Variants in DLG2 observed in about 807,000 individuals in gnomAD.
DLG2 encodes discs large MAGUK scaffold protein 2.
A neutral mutation model predicts 132.5 loss-of-function variants in DLG2; 45 were observed. The ratio of observed to expected loss-of-function variants is 0.34; its 90% CI spans 0.27 to 0.44. The LOEUF (loss-of-function observed/expected upper bound fraction) is 0.44. Ranked by LOEUF, DLG2 falls within the 20% of genes least tolerant of loss-of-function variation. The probability of loss-of-function intolerance (pLI) is 1.00; values close to 1 mark genes in which losing one functional copy is unlikely to be tolerated. For missense variants in DLG2, 1,045 were observed against 1,196.9 expected (o/e 0.87, Z 1.87); for synonymous variants, 424 against 419.6 (o/e 1.01, Z -0.13).
chr11:84,630,979 TTCTCTCTC>T (rs369904915), intron 6 of DLG2, among the ~76,000 whole-genome samples: 160 of 51,238 alleles, frequency 3.1e-3, no homozygotes, highest in South Asian at 0.012. Context: ...TTAAATGCAT[TTCTCTCTC>T]TCTCTCTCTC....
chr11:83,627,704 T>C (rs2062835596), intron 19 of DLG2, among the ~76,000 whole-genome samples: 1 of 152,204 alleles, frequency 6.6e-6, no homozygotes, highest in Admixed American at 6.5e-5. Context: ...AGCAGCATGA[T>C]TTATAATCCT....
At chr11:84,410,704 C>A (rs755366717) in intron 7 of DLG2, among the ~76,000 whole-genome samples, 1 of 151,226 alleles carries the variant, frequency 6.6e-6, no homozygotes, top group Non-Finnish European at 1.5e-5. Context: ...TTCAGCCTCC[C>A]GAGTAGCTGG....
chr11:84,291,330 G>T (rs928536428), intron 7 of DLG2, among the ~76,000 whole-genome samples: 3 of 152,098 alleles, frequency 2.0e-5, no homozygotes, highest in African/African-American at 7.2e-5. Flanking sequence ...ATATTGCCAA[G>T]TTAGACTAAA....
At chr11:83,643,268 C>T (rs1206187882) in intron 18 of DLG2, among the ~76,000 whole-genome samples, 1 of 152,140 alleles carries the variant, frequency 6.6e-6, no homozygotes, top group South Asian at 2.1e-4. Context: ...AATAAAGCCA[C>T]AAAGGGCATC....
intron 6 of DLG2, among the ~76,000 whole-genome samples, chr11:84,876,257 T>A (rs2086329170): frequency 6.6e-6 from 1 of 152,214 alleles, no homozygotes; most frequent in African/African-American, 2.4e-5. Context: ...TCAGAAGGAA[T>A]GATACCAGCT....
At position 84,251,219 on chromosome 11, in the gene DLG2, T is replaced by A; in HGVS notation, c.573+19A>T. The stretch of plus-strand genomic sequence containing the variant: ...CTACCACAGTTTTAAAAGAAGGTAG[T>A]AATGAAAAAGTTACTTACATAAGGA... On this transcript the variant is annotated intron_variant, in intron 8 of 27. Coordinates refer to ENST00000376104, the MANE Select transcript of DLG2 (RefSeq NM_001142699.3). 1 of 1,520,282 alleles carries A rather than the reference T, an allele frequency of 6.6e-7. No individual in the cohort carries two copies. Among genetic ancestry groups the A allele is most frequent in the Non-Finnish European group, 9.0e-7 (1 of 1,116,872 alleles). 94.2% of individuals were successfully genotyped at this position (1,520,282 alleles called of 1,614,324 possible). A position where few individuals can be genotyped will look rare whatever the true frequency, so the allele number is the denominator to read the frequency against.
At chr11:85,322,260 C>T (rs990921237) in intron 3 of DLG2, among the ~76,000 whole-genome samples, 1 of 152,096 alleles carries the variant, frequency 6.6e-6, no homozygotes, top group African/African-American at 2.4e-5. Context: ...ATTTTCCTAT[C>T]CATTCAGCTT....
rs560146542 is a variant in DLG2, at chr11:84,012,677, G to A, written c.920-32035C>T. 8.7e-4 allele frequency among the ~76,000 whole-genome samples: 132 copies of A among 152,214 alleles called. 2 individuals are homozygous for A. Among genetic ancestry groups the A allele is most frequent in the African/African-American group, 2.9e-3 (122 of 41,572 alleles). On this transcript the variant is annotated intron_variant, in intron 11 of 27. Transcript: ENST00000376104. Reference sequence around the variant, plus strand: ...AAAAGTACATTTAAGATTACTCCCCGTAGAGTAGCACATGTGAATAAACAG... The same window carrying A: ...AAAAGTACATTTAAGATTACTCCCCATAGAGTAGCACATGTGAATAAACAG...
At chr11:83,496,272 C>T (rs542582596) in intron 21 of DLG2, among the ~76,000 whole-genome samples, 6 of 151,762 alleles carry the variant, frequency 4.0e-5, no homozygotes, top group Admixed American at 3.9e-4. Context: ...CCAAAGTTCA[C>T]TTGATACCCA....
At chr11:84,934,525 G>GTTTTTT (rs757894179) in intron 6 of DLG2, among the ~76,000 whole-genome samples, 44 of 38,632 alleles carry the variant, frequency 1.1e-3, no homozygotes, top group South Asian at 3.6e-3. Context: ...GTTTTGTTTT[G>GTTTTTT]TTTTTTTTTT....
At chr11:85,517,497 T>G (rs1255309917) in intron 3 of DLG2, among the ~76,000 whole-genome samples, 1 of 152,188 alleles carries the variant, frequency 6.6e-6, no homozygotes, top group Non-Finnish European at 1.5e-5. Flanking sequence ...AAATGATCTC[T>G]TCTTGGTGAT....
intron 21 of DLG2, among the ~76,000 whole-genome samples, chr11:83,508,245 CTTT>C (rs761737091): frequency 5.7e-5 from 8 of 140,416 alleles, no homozygotes; most frequent in Admixed American, 1.4e-4. Context: ...GAATATACAT[CTTT>C]TTTTTTTTTT....
chr11:84,518,197 G>C (rs1038164720), intron 7 of DLG2, among the ~76,000 whole-genome samples: 1 of 93,822 alleles, frequency 1.1e-5, no homozygotes, highest in Non-Finnish European at 2.4e-5. Flanking sequence ...TTAAGGAAAG[G>C]TTTCAGAACC....
chr11:83,541,629 C>A, intron 20 of DLG2, 53 bp downstream of exon 20: 1 of 1,451,750 alleles, frequency 6.9e-7, no homozygotes, highest in Non-Finnish European at 9.2e-7. Flanking sequence ...TCCCTCATCT[C>A]CACTCGCTGG....
chr11:83,669,536 T>C (rs888110602), intron 18 of DLG2, among the ~76,000 whole-genome samples: 3 of 152,226 alleles, frequency 2.0e-5, no homozygotes, highest in African/African-American at 4.8e-5. Flanking sequence ...GAAGGATCCC[T>C]TGACCTTTCA....
At chr11:83,838,945 G>A (rs140744356) in intron 16 of DLG2, among the ~76,000 whole-genome samples, 3 of 152,316 alleles carry the variant, frequency 2.0e-5, no homozygotes, top group African/African-American at 7.2e-5. Flanking sequence ...TCCTATGGAA[G>A]TAAAGATTAT....
At chr11:85,485,880 G>C (rs1376763474) in intron 3 of DLG2, among the ~76,000 whole-genome samples, 1 of 152,164 alleles carries the variant, frequency 6.6e-6, no homozygotes, top group Non-Finnish European at 1.5e-5. Flanking sequence ...TCTGCATCCT[G>C]TCCTGAGGCA....
intron 17 of DLG2, among the ~76,000 whole-genome samples, chr11:83,820,058 T>C (rs1340628271): frequency 6.6e-6 from 1 of 152,186 alleles, no homozygotes; most frequent in Non-Finnish European, 1.5e-5. Context: ...TTTAATACTG[T>C]GATCAAATAC....
intron 8 of DLG2, among the ~76,000 whole-genome samples, chr11:84,209,936 T>C (rs1258459584): frequency 9.2e-5 from 14 of 152,144 alleles, no homozygotes; most frequent in Non-Finnish European, 4.4e-5. Flanking sequence ...CTTATAACAG[T>C]TAAACATAAC....
Sources: gnomAD v4.1 joint callset for allele counts (sites outside exome capture counted in the v4.1 genomes callset) on GRCh38, gnomAD v4.1.1 for gene constraint, MANE v1.5 for transcripts, NCBI Gene and HGNC (gene_info 2026-07-23, HGNC 2026-07-21) for gene names.